ZBTB20: variants seen among roughly 807,000 people sequenced by gnomAD.
ZBTB20 encodes the protein zinc finger and BTB domain containing 20, also known as zinc finger and BTB domain-containing protein 20.
In ZBTB20, 9 loss-of-function variants were observed where a neutral mutation model predicts 56.9. The ratio of observed to expected loss-of-function variants is 0.16; its 90% CI spans 0.10 to 0.28. The LOEUF is 0.28. Among genes scored for constraint, ZBTB20 ranks in the 10% least tolerant of loss-of-function variants. ZBTB20 has a pLI of 1.00. For missense variants in ZBTB20, 655 were observed against 1,003.0 expected, an observed-to-expected ratio of 0.65 and a Z score of 4.69; for synonymous variants, 417 against 420.7, an observed-to-expected ratio of 0.99 and a Z score of 0.11.
At chr3:114,430,322 A>G (rs1038181037) in intron 7 of ZBTB20, among the ~76,000 whole-genome samples, 3 of 152,224 alleles carry the variant, frequency 2.0e-5, no homozygotes, top group African/African-American at 7.2e-5. Context: ...CTGGTAAAGA[A>G]ACTGAGGCAC....
chr3:114,816,108 G>T (rs892820826), intron 4 of ZBTB20, among the ~76,000 whole-genome samples: 1 of 152,128 alleles, frequency 6.6e-6, no homozygotes, highest in African/African-American at 2.4e-5. Flanking sequence ...CCATGGCTCA[G>T]ATTATCTCCA....
At chr3:114,444,647 T>A (rs2091151837) in intron 7 of ZBTB20, among the ~76,000 whole-genome samples, 1 of 152,174 alleles carries the variant, frequency 6.6e-6, no homozygotes, top group South Asian at 2.1e-4. Flanking sequence ...TCTCTGTGTT[T>A]AAGTTTTCTT....
chr3:114,802,903 A>G (rs921656072), intron 4 of ZBTB20, among the ~76,000 whole-genome samples: 1 of 151,896 alleles, frequency 6.6e-6, no homozygotes, highest in Admixed American at 6.6e-5. Flanking sequence ...CATATAACTA[A>G]CAACTAGTAA....
chr3:114,737,307 C>CT (rs1212161189), intron 5 of ZBTB20, among the ~76,000 whole-genome samples: 3 of 151,806 alleles, frequency 2.0e-5, no homozygotes, highest in South Asian at 2.1e-4. Context: ...AACTTTTTGC[C>CT]TTTTTTTTCT....
At chr3:115,050,322 T>G (rs1379198554) in intron 2 of ZBTB20, among the ~76,000 whole-genome samples, 5 of 151,938 alleles carry the variant, frequency 3.3e-5, no homozygotes, top group African/African-American at 1.2e-4. Context: ...GTATATGCTA[T>G]GAAATTATAA....
intron 4 of ZBTB20, among the ~76,000 whole-genome samples, chr3:114,839,465 A>AAGAAAGAAAG (rs767019231): frequency 1.2e-3 from 176 of 148,242 alleles, no homozygotes; most frequent in South Asian, 4.6e-3. Flanking sequence ...GAAAGAAAGA[A>AAGAAAGAAAG]AGAGAGAGAG....
intron 7 of ZBTB20, among the ~76,000 whole-genome samples, chr3:114,394,029 C>A (rs1378537400): frequency 6.6e-6 from 1 of 152,132 alleles, no homozygotes; most frequent in African/African-American, 2.4e-5. Context: ...GGAAATCACA[C>A]CACATCGTTC....
At chr3:114,563,065 G>A in intron 6 of ZBTB20, among the ~76,000 whole-genome samples, 1 of 152,098 alleles carries the variant, frequency 6.6e-6, no homozygotes. Context: ...TCAATACAGG[G>A]TTGCCACAAA....
At chr3:114,789,138 G>A (rs896393792) in intron 5 of ZBTB20, among the ~76,000 whole-genome samples, 9 of 152,246 alleles carry the variant, frequency 5.9e-5, no homozygotes, top group African/African-American at 1.4e-4. Context: ...TTCATGCATA[G>A]GATCTAAAGA....
In ZBTB20 at chr3:114,396,061, C is replaced by T. The variant is rs190279365; in HGVS notation, c.-254-6956G>A. On this transcript the variant is annotated intron_variant, in intron 7 of 11. Coordinates refer to ENST00000675478, the MANE Select transcript of ZBTB20 (RefSeq NM_001348800.3). ...GAATTTCTGGTATTAATGAATCTGG[C>T]CTGGTGATGGGAACCCCTCTATTAT... 2.2e-3 allele frequency among the ~76,000 whole-genome samples: 331 copies of T among 152,080 alleles called. 1 individual carries two copies. Among genetic ancestry groups the T allele is most frequent in the African/African-American group, 7.7e-3 (318 of 41,510 alleles).
At chr3:114,373,937 G>A (rs779747136) in intron 10 of ZBTB20, among the ~76,000 whole-genome samples, 1 of 152,010 alleles carries the variant, frequency 6.6e-6, no homozygotes, top group Non-Finnish European at 1.5e-5. Context: ...AAAAAATAGA[G>A]GTAGATTAAG....
chr3:115,085,304 CA>C (rs986500437), intron 1 of ZBTB20, among the ~76,000 whole-genome samples: 5 of 151,896 alleles, frequency 3.3e-5, no homozygotes, highest in African/African-American at 1.2e-4. Flanking sequence ...GCCTAGCAGA[CA>C]TTTTAAGTTG....
Position 114,594,980 on chromosome 3 carries a change from G to A in ZBTB20, c.-294-94589C>T, listed in dbSNP as rs181205986. ...TTAGGAAAACAATACTAAATCTCTT[G>A]ATGCAGGCCATGTCATAAATCCATT... On this transcript the variant is annotated intron_variant, in intron 6 of 11. Coordinates refer to ENST00000675478, the MANE Select transcript of ZBTB20 (RefSeq NM_001348800.3). Among the ~76,000 whole-genome samples the A allele has an allele frequency of 2.1e-3, 319 of 152,278 alleles. 1 individual carries two copies. The highest frequency in any genetic ancestry group is 3.4e-3 in the Middle Eastern group (1 of 294).
chr3:114,589,907 G>A (rs1356893375), intron 6 of ZBTB20, among the ~76,000 whole-genome samples: 1 of 151,992 alleles, frequency 6.6e-6, no homozygotes, highest in African/African-American at 2.4e-5. Flanking sequence ...TACATTCTGT[G>A]GACCTCTCCC....
chr3:114,443,730 T>C lies in ZBTB20; in HGVS notation c.-254-54625A>G, dbSNP rs190417772. ...GAATATTAATAAGTAATAGTAGCAA[T>C]AACAATAACAACAATGATGAGTGAT... On this transcript the variant is annotated intron_variant, in intron 7 of 11. Coordinates refer to ENST00000675478, the MANE Select transcript of ZBTB20 (RefSeq NM_001348800.3). Among the ~76,000 whole-genome samples the C allele has an allele frequency of 1.4e-3, 215 of 152,232 alleles. 1 individual carries two copies. The highest frequency in any genetic ancestry group is 4.9e-3 in the African/African-American group (203 of 41,552).
At chr3:114,341,908 T>C (rs1238012692) in intron 11 of ZBTB20, among the ~76,000 whole-genome samples, 2 of 152,210 alleles carry the variant, frequency 1.3e-5, no homozygotes, top group Non-Finnish European at 2.9e-5. Context: ...ACCTACTTAG[T>C]CACTGAATGC....
intron 4 of ZBTB20, among the ~76,000 whole-genome samples, chr3:114,808,670 T>G (rs1326993494): frequency 6.6e-6 from 1 of 151,986 alleles, no homozygotes; most frequent in East Asian, 1.9e-4. Context: ...TCATTATCTA[T>G]TTCATTGATT....
intron 1 of ZBTB20, among the ~76,000 whole-genome samples, chr3:115,105,886 C>T (rs1269136866): frequency 2.0e-5 from 3 of 151,052 alleles, no homozygotes; most frequent in African/African-American, 7.3e-5. Context: ...GGTGCAATCT[C>T]GGCTCACTGC....
chr3:114,801,513 A>G (rs560697967), intron 4 of ZBTB20, among the ~76,000 whole-genome samples: 3 of 151,618 alleles, frequency 2.0e-5, no homozygotes, highest in African/African-American at 7.3e-5. Flanking sequence ...TTAAAAAAAA[A>G]CTCCTAAACA....
Sources: gnomAD v4.1 joint callset for allele counts (sites outside exome capture counted in the v4.1 genomes callset) on GRCh38, gnomAD v4.1.1 for gene constraint, MANE v1.5 for transcripts, NCBI Gene and HGNC (gene_info 2026-07-23, HGNC 2026-07-21) for gene names.